Variants in CARS1 observed in about 807,000 individuals in gnomAD.
CARS1 encodes the protein cysteine--tRNA ligase, cytoplasmic.
CARS1 carries 48 observed loss-of-function variants against 106.2 expected under a neutral mutation model. The observed-to-expected ratio is 0.45, with a 90% CI of 0.36 to 0.57. CARS1 has a LOEUF of 0.57. CARS1 is among the 20% of genes least tolerant of loss of function. The probability of loss-of-function intolerance (pLI) is 0.00; values close to 1 mark genes in which losing one functional copy is unlikely to be tolerated. For synonymous variants in CARS1, 409 were observed against 403.4 expected, an observed-to-expected ratio of 1.01 and a Z score of -0.17; for missense variants, 968 against 1,057.2, an observed-to-expected ratio of 0.92 and a Z score of 1.17.
rs2134327436 is a variant in CARS1, at chr11:3,054,803, C to A, written c.25+2540G>T. On this transcript the variant is annotated intron_variant, in intron 1 of 22. Coordinates refer to ENST00000380525, the MANE Select transcript of CARS1 (RefSeq NM_001014437.3). Reference sequence around the variant, plus strand: ...GAGCAGTGCCTGGCACAGACTCATGCTGAAAAAATGCTGGCTGTGTTATTA... The same window carrying A: ...GAGCAGTGCCTGGCACAGACTCATGATGAAAAAATGCTGGCTGTGTTATTA... 4.3e-6 allele frequency: 3 copies of A among 695,088 alleles called. No individual in the cohort carries two copies. In the East Asian group the frequency reaches 8.1e-5, roughly 19 times the overall value. The allele number at this position is 695,088 out of a possible 1,614,324, so 43.1% of individuals were successfully genotyped here.
rs1854212406 is a variant in CARS1 at position 3,039,980 on chromosome 11, C to T, written c.456-49G>A. 1.0e-5 allele frequency: 10 copies of T among 962,792 alleles called. No individual in the cohort carries two copies. The highest frequency in any genetic ancestry group is 1.6e-5 in the Non-Finnish European group (10 of 622,762). The allele number at this position is 962,792 out of a possible 1,614,324, so 59.6% of individuals were successfully genotyped here. A position where few individuals can be genotyped will look rare whatever the true frequency, so the allele number is the denominator to read the frequency against. ...TTTCCACACCAGACGATATGTATAG[C>T]TTAACCTCCAACAACACGTGTTTGA... On this transcript the variant is annotated intron_variant, in intron 4 of 22. Coordinates refer to ENST00000380525, the MANE Select transcript of CARS1 (RefSeq NM_001014437.3). This position sits in a 1 kb window ranked among gnomAD's most constrained non-coding sequence, Gnocchi z 5.6.
chr11:3,049,544 A>T (rs1209060430), intron 1 of CARS1, among the ~76,000 whole-genome samples: 1 of 152,226 alleles, frequency 6.6e-6, no homozygotes, highest in Non-Finnish European at 1.5e-5. Flanking sequence ...GCACAGGTGC[A>T]TCCAAACCTT....
Position 3,039,075 on chromosome 11 carries a change from G to T in CARS1, c.651+119C>A. On this transcript the variant is annotated intron_variant, in intron 6 of 22. Transcript: ENST00000380525. This position sits in a 1 kb window ranked among gnomAD's most constrained non-coding sequence, Gnocchi z 5.6. ...AGCGCCCCTGACGGAACTGGCTTGAGTAACATACACTTTGTGAAAGCCTGT... is the reference window on the plus strand; with the variant it reads ...AGCGCCCCTGACGGAACTGGCTTGATTAACATACACTTTGTGAAAGCCTGT... The T allele has an allele frequency of 1.5e-6, 1 of 664,612 alleles. No homozygotes were observed. Among genetic ancestry groups the T allele is most frequent in the Non-Finnish European group, 2.6e-6 (1 of 383,378 alleles). The allele number at this position is 664,612 out of a possible 1,614,324, so 41.2% of individuals were successfully genotyped here.
chr11:3,009,681 C>T (rs1157888492), intron 18 of CARS1: 1 of 152,326 alleles, frequency 6.6e-6, no homozygotes, highest in Non-Finnish European at 1.5e-5. Flanking sequence ...AAACCCTGAA[C>T]CCATTGCCCT....
Position 3,050,484 on chromosome 11 carries a change from A to G in CARS1, c.26-2483T>C, listed in dbSNP as rs968093335. 6.6e-6 allele frequency among the ~76,000 whole-genome samples: 1 copy of G among 152,160 alleles called. No homozygotes were observed. The highest frequency in any genetic ancestry group is 1.5e-5 in the Non-Finnish European group (1 of 68,020). ...ACTCAAAAGAAGCTTTGGACTTGAG[A>G]GCCAGCCCTTGTCACCTGGATTCCT... is the stretch of plus-strand genomic sequence containing the variant. On this transcript the variant is annotated intron_variant, in intron 1 of 22. Transcript: ENST00000380525. This position sits in a 1 kb window ranked among gnomAD's most constrained non-coding sequence, Gnocchi z 6.3.
Position 3,039,349 on chromosome 11 carries a change from T to C in CARS1, c.553-57A>G. Reference sequence around the variant, plus strand: ...TGCTTGGATCCCACATGCATCCCTCTGCAGCAGGCCACTCTCTCCCTTGGC... The same window carrying C: ...TGCTTGGATCCCACATGCATCCCTCCGCAGCAGGCCACTCTCTCCCTTGGC... On this transcript the variant is annotated intron_variant, in intron 5 of 22. Transcript: ENST00000380525. This position sits in a 1 kb window ranked among gnomAD's most constrained non-coding sequence, Gnocchi z 5.6. 3 of 1,077,478 alleles carry C rather than the reference T, an allele frequency of 2.8e-6. No homozygotes were observed. Among genetic ancestry groups the C allele is most frequent in the Admixed American group, 1.7e-5 (1 of 58,368 alleles). 66.7% of individuals were successfully genotyped at this position (1,077,478 alleles called of 1,614,324 possible).
chr11:3,025,448 G>C (rs760142857), intron 10 of CARS1, among the ~76,000 whole-genome samples: 1 of 152,142 alleles, frequency 6.6e-6, no homozygotes, highest in Admixed American at 6.5e-5. Flanking sequence ...GGCTGGTCTC[G>C]AACTCCCAAC....
rs1388053990 is a variant in CARS1 at position 3,041,086 on chromosome 11, T to C, written c.367-102A>G. ...ACATCACAGTGTGGTTTGTGTTTAG[T>C]GTAAACAATTCAACAGAGACCATTT... On this transcript the variant is annotated intron_variant, in intron 3 of 22. Coordinates refer to ENST00000380525, the MANE Select transcript of CARS1 (RefSeq NM_001014437.3). The surrounding 1 kb of genome is among the most constrained non-coding windows in gnomAD (Gnocchi z 4.9). The C allele has an allele frequency of 1.1e-5, 18 of 1,584,096 alleles. No homozygotes were observed. Among genetic ancestry groups the C allele is most frequent in the African/African-American group, 1.3e-5 (1 of 74,146 alleles).
At chr11:3,010,188 G>A (rs1424232225) in intron 18 of CARS1, among the ~76,000 whole-genome samples, 3 of 152,260 alleles carry the variant, frequency 2.0e-5, no homozygotes, top group Non-Finnish European at 4.4e-5. Context: ...CCTGGTCAGT[G>A]CCACCGAGCG....
Position 3,041,139 on chromosome 11 carries a change from A to T in CARS1, c.367-155T>A, listed in dbSNP as rs2134259567. ...TTTTACTGTGAAAAGTCACAGTCTC[A>T]GTGGGAGCCCAGTGAGATGTACGGC... is the stretch of plus-strand genomic sequence containing the variant. On this transcript the variant is annotated intron_variant, in intron 3 of 22. Coordinates refer to ENST00000380525, the MANE Select transcript of CARS1 (RefSeq NM_001014437.3). The surrounding 1 kb of genome is among the most constrained non-coding windows in gnomAD (Gnocchi z 4.9). 8.0e-7 allele frequency: 1 copy of T among 1,251,514 alleles called. No individual in the cohort carries two copies. The highest frequency in any genetic ancestry group is 1.5e-5 in the African/African-American group (1 of 66,020). 77.5% of individuals were successfully genotyped at this position (1,251,514 alleles called of 1,614,324 possible). A position where few individuals can be genotyped will look rare whatever the true frequency, so the allele number is the denominator to read the frequency against.
intron 10 of CARS1, among the ~76,000 whole-genome samples, chr11:3,024,291 C>T (rs1565056925): frequency 6.6e-6 from 1 of 152,186 alleles, no homozygotes; most frequent in Non-Finnish European, 1.5e-5. Flanking sequence ...TGGTGTGTGG[C>T]ACCTTTGCTG....
Position 3,028,334 on chromosome 11 carries a change from T to C in CARS1, c.1031+662A>G. On this transcript the variant is annotated intron_variant, in intron 9 of 22. Coordinates refer to ENST00000380525, the MANE Select transcript of CARS1 (RefSeq NM_001014437.3). The surrounding 1 kb of genome is among the most constrained non-coding windows in gnomAD (Gnocchi z 4.4). ...GGTCTCCGCGTCTTGGTGGTAGTGG[T>C]CCCCCGGGCCCAGCTGTCTTCTCTT... 1 of 498,836 alleles carries C rather than the reference T, an allele frequency of 2.0e-6. No homozygotes were observed. Among genetic ancestry groups the C allele is most frequent in the South Asian group, 2.1e-5 (1 of 48,372 alleles). The allele number at this position is 498,836 out of a possible 1,614,324, so 30.9% of individuals were successfully genotyped here.
chr11:3,029,695 G>A lies in CARS1; in HGVS notation c.802-252C>T, dbSNP rs1852511673. 3 of 509,536 alleles carry A rather than the reference G, an allele frequency of 5.9e-6. No homozygotes were observed. The highest frequency in any genetic ancestry group is 1.0e-5 in the Non-Finnish European group (3 of 288,542). 31.6% of individuals were successfully genotyped at this position (509,536 alleles called of 1,614,324 possible). On this transcript the variant is annotated intron_variant, in intron 7 of 22. Coordinates refer to ENST00000380525, the MANE Select transcript of CARS1 (RefSeq NM_001014437.3). This position sits in a 1 kb window ranked among gnomAD's most constrained non-coding sequence, Gnocchi z 5.9. ...AGCCAAGGGGACTGTGGGTGCAGAG[G>A]CAAAAAGAGGTGGGAGGGCCGAGGT...
At chr11:3,056,648 C>G (rs1379971631) in intron 1 of CARS1, among the ~76,000 whole-genome samples, 1 of 152,212 alleles carries the variant, frequency 6.6e-6, no homozygotes, top group Non-Finnish European at 1.5e-5. Context: ...GTACCCCTGG[C>G]GTCCTCTGCC....
Position 3,019,302 on chromosome 11 carries a change from C to A in CARS1, c.1267-35G>T, listed in dbSNP as rs370154329. ...GCCGAACACACAGTGACTGACCAGC[C>A]TACCCGCTTGTCCAGGCCTTTATCA... On this transcript the variant is annotated intron_variant, in intron 11 of 22. Transcript: ENST00000380525. The surrounding 1 kb of genome is among the most constrained non-coding windows in gnomAD (Gnocchi z 6.2). The A allele has an allele frequency of 5.8e-6, 8 of 1,379,572 alleles. No homozygotes were observed. Among genetic ancestry groups the A allele is most frequent in the Non-Finnish European group, 6.6e-6 (7 of 1,058,332 alleles). 85.5% of individuals were successfully genotyped at this position (1,379,572 alleles called of 1,614,324 possible).
chr11:3,012,884 C>CTTT (rs768906268), intron 17 of CARS1, among the ~76,000 whole-genome samples: 33 of 116,902 alleles, frequency 2.8e-4, no homozygotes, highest in African/African-American at 8.6e-4. Flanking sequence ...CTATATTTCC[C>CTTT]TTTTTTTTTT....
At position 3,043,673 on chromosome 11, in the gene CARS1, C is replaced by T. The variant is rs761231279; in HGVS notation, c.275-1417G>A. On this transcript the variant is annotated intron_variant, in intron 2 of 22. Coordinates refer to ENST00000380525, the MANE Select transcript of CARS1 (RefSeq NM_001014437.3). The surrounding 1 kb of genome is among the most constrained non-coding windows in gnomAD (Gnocchi z 4.0). The stretch of plus-strand genomic sequence containing the variant: ...GTCTGGCAGCATGGCCAGCAAATTG[C>T]CACACACTGATCACGGGGAAGTTGG... 2.6e-5 allele frequency among the ~76,000 whole-genome samples: 4 copies of T among 152,232 alleles called. No homozygotes were observed. The highest frequency in any genetic ancestry group is 6.5e-5 in the Admixed American group (1 of 15,292).
intron 17 of CARS1, among the ~76,000 whole-genome samples, chr11:3,014,951 C>T (rs1326628761): frequency 6.6e-6 from 1 of 152,224 alleles, no homozygotes; most frequent in African/African-American, 2.4e-5. Context: ...ATTAAAATTA[C>T]AGTTGTTCTA....
chr11:3,039,099 G>GT lies in CARS1; in HGVS notation c.651+94dup. On this transcript the variant is annotated intron_variant, in intron 6 of 22. Transcript: ENST00000380525. The surrounding 1 kb of genome is among the most constrained non-coding windows in gnomAD (Gnocchi z 5.6). ...AGTAACATACACTTTGTGAAAGCCT[G>GT]TGAGACTGACACTACCCTAGGGACA... 1 of 777,260 alleles carries GT rather than the reference G, an allele frequency of 1.3e-6. No homozygotes were observed. The highest frequency in any genetic ancestry group is 2.2e-6 in the Non-Finnish European group (1 of 459,418). 48.1% of individuals were successfully genotyped at this position (777,260 alleles called of 1,614,324 possible).
Sources: gnomAD v4.1 joint callset for allele counts (sites outside exome capture counted in the v4.1 genomes callset) on GRCh38, gnomAD v4.1.1 for gene constraint, Gnocchi (gnomAD v3.1) non-coding constraint, MANE v1.5 for transcripts, NCBI Gene and HGNC (gene_info 2026-07-23, HGNC 2026-07-21) for gene names.